Variants in LY6S observed in about 807,000 individuals in gnomAD.
LY6S encodes the protein lymphocyte antigen 6 family member S.
the LY6S span, among the ~76,000 whole-genome samples, chr8:143,055,471 A>G: frequency 1.3e-5 from 2 of 152,354 alleles, no homozygotes; most frequent in Non-Finnish European, 2.9e-5. Flanking sequence ...AAGGCATTAT[A>G]GAAAGTTTTG....
chr8:143,045,050 C>T, the LY6S span, among the ~76,000 whole-genome samples: 1 of 152,240 alleles, frequency 6.6e-6, no homozygotes, highest in Non-Finnish European at 1.5e-5. The surrounding 1 kb of genome is among the most constrained non-coding windows in gnomAD (Gnocchi z 5.3). Context: ...CAAAGGCATA[C>T]ACGTGCCCAG....
chr8:143,073,226 T>C, the LY6S span, among the ~76,000 whole-genome samples: 27 of 67,548 alleles, frequency 4.0e-4, 1 homozygote, highest in South Asian at 1.1e-3. Flanking sequence ...CAGCCGTCAT[T>C]CTTGGGGTCC....
chr8:143,064,316 GCT>G, the LY6S span, among the ~76,000 whole-genome samples: 12 of 152,322 alleles, frequency 7.9e-5, no homozygotes, highest in South Asian at 2.3e-3. Flanking sequence ...CACTGTTAGA[GCT>G]CTGTTTCCCT....
the LY6S span, among the ~76,000 whole-genome samples, chr8:143,045,692 G>A: frequency 6.6e-6 from 1 of 152,134 alleles, no homozygotes; most frequent in Non-Finnish European, 1.5e-5. The surrounding 1 kb of genome is among the most constrained non-coding windows in gnomAD (Gnocchi z 5.3). Context: ...CACTTGCCCT[G>A]CAGGCTTGCC....
the LY6S span, among the ~76,000 whole-genome samples, chr8:143,041,166 C>T: frequency 2.0e-5 from 3 of 152,048 alleles, no homozygotes; most frequent in Admixed American, 1.3e-4. Flanking sequence ...ATTTATTAGG[C>T]GGGAATTTCC....
At chr8:143,059,019 A>G in the LY6S span, among the ~76,000 whole-genome samples, 1 of 152,274 alleles carries the variant, frequency 6.6e-6, no homozygotes, top group Non-Finnish European at 1.5e-5. Context: ...AATGATATTC[A>G]TATATAATCA....
chr8:143,060,390 C>T, the LY6S span, among the ~76,000 whole-genome samples: 18 of 152,360 alleles, frequency 1.2e-4, no homozygotes, highest in Non-Finnish European at 2.2e-4. Flanking sequence ...TTTCATGTTC[C>T]GCCCTGTACA....
the LY6S span, chr8:143,048,014 T>C: frequency 6.6e-6 from 1 of 152,254 alleles, no homozygotes; most frequent in African/African-American, 2.4e-5. Context: ...CTTGTTTAAA[T>C]TCTTTTAAAC....
At chr8:143,072,747 C>T in the LY6S span, among the ~76,000 whole-genome samples, 1 of 127,388 alleles carries the variant, frequency 7.9e-6, no homozygotes, top group Non-Finnish European at 1.6e-5. Flanking sequence ...AGACAGCCGT[C>T]GTCCTCGGGG....
the LY6S span, chr8:143,066,148 ATTTCTTTTCT>A: frequency 5.4e-4 from 137 of 253,520 alleles, 1 homozygote; most frequent in Middle Eastern, 3.1e-3. Context: ...CCAATGATGA[ATTTCTTTTCT>A]TTTCTTTTCT....
chr8:143,057,539 C>T, the LY6S span: 149 of 970,782 alleles, frequency 1.5e-4, 1 homozygote, highest in Middle Eastern at 1.2e-3. Flanking sequence ...TGAGCCACTG[C>T]GCCTGGCTGC....
At chr8:143,059,763 G>A in the LY6S span, 1 of 152,074 alleles carries the variant, frequency 6.6e-6, no homozygotes, top group Non-Finnish European at 1.5e-5. Flanking sequence ...CACTGTGTCT[G>A]GCACAAGCAA....
the LY6S span, among the ~76,000 whole-genome samples, chr8:143,070,482 T>TATA: frequency 9.6e-6 from 1 of 104,294 alleles, no homozygotes; most frequent in Non-Finnish European, 1.7e-5. Flanking sequence ...TATAAATATA[T>TATA]ATATATATTT....
the LY6S span, among the ~76,000 whole-genome samples, chr8:143,045,374 A>C: frequency 1.3e-5 from 2 of 152,116 alleles, no homozygotes. This position sits in a 1 kb window ranked among gnomAD's most constrained non-coding sequence, Gnocchi z 5.3. Flanking sequence ...TGCACAGACA[A>C]ACTTCAGCGA....
chr8:143,075,991 AATG>A, the LY6S span, among the ~76,000 whole-genome samples: 494 of 152,244 alleles, frequency 3.2e-3, 6 homozygotes, highest in Non-Finnish European at 1.1e-3. This position sits in a 1 kb window ranked among gnomAD's most constrained non-coding sequence, Gnocchi z 4.1. Context: ...TCAGTTTGAA[AATG>A]ATAACAAAAT....
At chr8:143,057,227 G>A in the LY6S span, 9 of 272,460 alleles carry the variant, frequency 3.3e-5, no homozygotes, top group African/African-American at 1.9e-4. Context: ...TAAGCCTTTA[G>A]TCTCTTTTTT....
At chr8:143,062,027 C>T in the LY6S span, among the ~76,000 whole-genome samples, 1 of 152,172 alleles carries the variant, frequency 6.6e-6, no homozygotes, top group South Asian at 2.1e-4. Context: ...GTCCCATGCT[C>T]AGCCAGGCAA....
chr8:143,072,586 G>T, the LY6S span, among the ~76,000 whole-genome samples: 1 of 146,412 alleles, frequency 6.8e-6, no homozygotes, highest in East Asian at 2.1e-4. Context: ...TCGTCCTCGG[G>T]GTTCCTGTTT....
chr8:143,044,569 C>A, the LY6S span: 2 of 760,306 alleles, frequency 2.6e-6, no homozygotes, highest in East Asian at 7.9e-5. Context: ...AGCCACAGAC[C>A]GGCCCCCAAA....
Sources: allele counts gnomAD v4.1 joint callset (sites outside exome capture counted in the v4.1 genomes callset), GRCh38; gene constraint gnomAD v4.1.1; non-coding constraint Gnocchi (gnomAD v3.1); transcripts MANE v1.5; gene names NCBI Gene and HGNC (gene_info 2026-07-23, HGNC 2026-07-21).